Variants in FBXL17 observed in about 807,000 individuals in gnomAD.
FBXL17 encodes F-box/LRR-repeat protein 17.
FBXL17 carries 22 observed loss-of-function variants against 66.2 expected under a neutral mutation model. That is an observed-to-expected ratio of 0.33 (90% CI 0.24 to 0.47). The LOEUF is 0.47. Among genes scored for constraint, FBXL17 ranks in the 20% least tolerant of loss-of-function variants. The probability of loss-of-function intolerance (pLI) is 1.00; values close to 1 mark genes in which losing one functional copy is unlikely to be tolerated. For synonymous variants in FBXL17, 474 were observed against 400.5 expected (o/e 1.18, Z -2.19); for missense variants, 878 against 948.2 (o/e 0.93, Z 0.97).
chr5:108,381,930 G>T lies in FBXL17; in HGVS notation c.-239C>A. ...CAGGGAAGCCGGGAGAACGATGGGC[G>T]CGAGCTTTGGGGACGCGAGGGAGGG... is the stretch of plus-strand genomic sequence containing the variant. On this transcript the variant is annotated 5_prime_UTR_variant, in exon 1 of 9. Coordinates refer to ENST00000542267, the MANE Select transcript of FBXL17 (RefSeq NM_001163315.3). 1 of 1,255,012 alleles carries T rather than the reference G, an allele frequency of 8.0e-7. No individual in the cohort carries two copies. The highest frequency in any genetic ancestry group is 2.9e-5 in the South Asian group (1 of 34,270). 77.7% of individuals were successfully genotyped at this position (1,255,012 alleles called of 1,614,324 possible). A position where few individuals can be genotyped will look rare whatever the true frequency, so the allele number is the denominator to read the frequency against.
chr5:108,274,453 CTT>C (rs1187083901), intron 4 of FBXL17, among the ~76,000 whole-genome samples: 9 of 152,208 alleles, frequency 5.9e-5, no homozygotes, highest in Admixed American at 3.3e-4. Context: ...GGTTATCTCT[CTT>C]GTTTCCTGAA....
chr5:107,946,648 C>T (rs72795980), intron 7 of FBXL17, among the ~76,000 whole-genome samples: 25,268 of 151,514 alleles, frequency 0.17, 2,251 homozygotes, highest in African/African-American at 0.21. Flanking sequence ...ATCTTGAAAT[C>T]TTTGTCAGGG....
At chr5:107,878,813 G>A (rs768349498) in intron 8 of FBXL17, 164 of 985,376 alleles carry the variant, frequency 1.7e-4, no homozygotes, top group Non-Finnish European at 1.9e-4. Context: ...TTGGCTCTGA[G>A]CTGCTTTAAG....
chr5:107,974,765 A>G (rs772445984), intron 7 of FBXL17, among the ~76,000 whole-genome samples: 6 of 152,106 alleles, frequency 3.9e-5, no homozygotes, highest in Non-Finnish European at 1.5e-5. Flanking sequence ...GCACAGAAAT[A>G]GGTAAAGGGA....
In FBXL17 at chr5:107,969,593, G is replaced by A. The variant is rs10061295; in HGVS notation, c.1822+51332C>T. Among the ~76,000 whole-genome samples the A allele has an allele frequency of 1.0e-2, 1,518 of 152,160 alleles. 22 individuals are homozygous for A. Among genetic ancestry groups the A allele is most frequent in the African/African-American group, 0.035 (1,443 of 41,504 alleles). On this transcript the variant is annotated intron_variant, in intron 7 of 8. Coordinates refer to ENST00000542267, the MANE Select transcript of FBXL17 (RefSeq NM_001163315.3). ...TGTTAAAATATTTTTTCCCCTTAAG[G>A]TCAAAGTTTGTGTTCTTCTAATTTC...
chr5:108,280,330 C>T (rs1757652631), intron 4 of FBXL17, among the ~76,000 whole-genome samples: 1 of 152,000 alleles, frequency 6.6e-6, no homozygotes, highest in South Asian at 2.1e-4. Flanking sequence ...ATTGAATGTG[C>T]TAAAGAAAAA....
chr5:107,940,961 T>C (rs1472348227), intron 7 of FBXL17, among the ~76,000 whole-genome samples: 3 of 152,164 alleles, frequency 2.0e-5, no homozygotes, highest in Non-Finnish European at 2.9e-5. Flanking sequence ...CTGAGAACCA[T>C]AGCTTTTTGG....
chr5:108,300,941 T>C (rs939835292), intron 4 of FBXL17, among the ~76,000 whole-genome samples: 3 of 151,498 alleles, frequency 2.0e-5, no homozygotes, highest in Non-Finnish European at 4.4e-5. Flanking sequence ...AAGTCTAAAA[T>C]AGTAGTTTAA....
intron 4 of FBXL17, among the ~76,000 whole-genome samples, chr5:108,314,685 C>T (rs917710144): frequency 6.6e-6 from 1 of 151,370 alleles, no homozygotes; most frequent in Non-Finnish European, 1.5e-5. Flanking sequence ...GAAATTACTA[C>T]TTCTAAGAGT....
At chr5:107,966,037 C>T (rs1424309401) in intron 7 of FBXL17, among the ~76,000 whole-genome samples, 1 of 152,052 alleles carries the variant, frequency 6.6e-6, no homozygotes, top group Non-Finnish European at 1.5e-5. Flanking sequence ...CCTGATTTTA[C>T]ACCTTGTAAA....
At chr5:108,379,497 CAAT>C (rs71624897) in intron 1 of FBXL17, among the ~76,000 whole-genome samples, 23,117 of 152,030 alleles carry the variant, frequency 0.15, 2,004 homozygotes, top group South Asian at 0.24. Flanking sequence ...CTCACAAGAA[CAAT>C]AATATCACTG....
Position 107,878,445 on chromosome 5 carries a change from A to G in FBXL17, c.1965+2592T>C, listed in dbSNP as rs940126394. 26 of 605,936 alleles carry G rather than the reference A, an allele frequency of 4.3e-5. No individual in the cohort carries two copies. In the African/African-American group the frequency reaches 5.2e-4, roughly 12 times the overall value. 37.5% of individuals were successfully genotyped at this position (605,936 alleles called of 1,614,324 possible). A position where few individuals can be genotyped will look rare whatever the true frequency, so the allele number is the denominator to read the frequency against. ...TCATTCACATGCTCACAATTCTACA[A>G]GATAGGTACTAGTATCATCCTCATT... On this transcript the variant is annotated intron_variant, in intron 8 of 8. Coordinates refer to ENST00000542267, the MANE Select transcript of FBXL17 (RefSeq NM_001163315.3).
chr5:108,022,343 T>C (rs1754635937), intron 6 of FBXL17, among the ~76,000 whole-genome samples: 1 of 152,072 alleles, frequency 6.6e-6, no homozygotes, highest in South Asian at 2.1e-4. Flanking sequence ...GGTTATAACA[T>C]AATATTTAAA....
intron 6 of FBXL17, among the ~76,000 whole-genome samples, chr5:108,080,773 G>A (rs1363535742): frequency 6.6e-6 from 1 of 152,134 alleles, no homozygotes; most frequent in African/African-American, 2.4e-5. Context: ...ATTATCTAAC[G>A]ACATGGAATC....
chr5:107,956,705 T>C (rs568423715), intron 7 of FBXL17, among the ~76,000 whole-genome samples: 3 of 152,280 alleles, frequency 2.0e-5, no homozygotes, highest in African/African-American at 4.8e-5. Context: ...GTCCACAGAA[T>C]GTACCTCAGA....
At chr5:108,294,616 ACTCT>A (rs1343853175) in intron 4 of FBXL17, among the ~76,000 whole-genome samples, 1 of 151,774 alleles carries the variant, frequency 6.6e-6, no homozygotes. Flanking sequence ...ATCAAATTTA[ACTCT>A]CTCTCTCTTC....
At chr5:108,110,618 G>A (rs997797054) in intron 6 of FBXL17, among the ~76,000 whole-genome samples, 2 of 151,956 alleles carry the variant, frequency 1.3e-5, no homozygotes, top group Admixed American at 1.3e-4. Flanking sequence ...TCCATTTTTC[G>A]ATGCTGAGTA....
intron 7 of FBXL17, among the ~76,000 whole-genome samples, chr5:107,916,657 T>A (rs1457171032): frequency 5.3e-5 from 8 of 152,202 alleles, no homozygotes; most frequent in African/African-American, 1.9e-4. Flanking sequence ...CAAATATATT[T>A]CTTCTTTCTT....
intron 4 of FBXL17, among the ~76,000 whole-genome samples, chr5:108,340,685 T>G (rs1202171636): frequency 6.6e-6 from 1 of 152,200 alleles, no homozygotes; most frequent in Non-Finnish European, 1.5e-5. Context: ...AACATTTGAC[T>G]CTTTAAGCTA....
Sources: allele counts gnomAD v4.1 joint callset (sites outside exome capture counted in the v4.1 genomes callset), GRCh38; gene constraint gnomAD v4.1.1; transcripts MANE v1.5; gene names NCBI Gene and HGNC (gene_info 2026-07-23, HGNC 2026-07-21).